The following VPS50 variants were observed in gnomAD, a reference collection of about 807,000 sequenced individuals.
VPS50 encodes the protein syndetin.
A neutral mutation model predicts 139.7 loss-of-function variants in VPS50; 70 were observed. That is an observed-to-expected ratio of 0.50 (90% CI 0.41 to 0.61). VPS50 has a LOEUF of 0.61. VPS50 is among the 20% of genes least tolerant of loss of function. The pLI is 0.00. For missense variants in VPS50, 921 were observed against 1,133.7 expected, an observed-to-expected ratio of 0.81 and a Z score of 2.69; for synonymous variants, 365 against 376.7, an observed-to-expected ratio of 0.97 and a Z score of 0.36.
At chr7:93,313,500 T>C (rs1487337761) in intron 20 of VPS50, among the ~76,000 whole-genome samples, 1 of 152,192 alleles carries the variant, frequency 6.6e-6, no homozygotes, top group Non-Finnish European at 1.5e-5. Flanking sequence ...CTTTATCATA[T>C]CATATTTAAT....
At chr7:93,258,099 T>C in intron 6 of VPS50, 60 bp from the exon 7 acceptor site, 1 of 711,576 alleles carries the variant, frequency 1.4e-6, no homozygotes. Flanking sequence ...AATTGTTCTG[T>C]GTGGATAGTA....
At position 93,353,726 on chromosome 7, in the gene VPS50, T is replaced by C. The variant is rs773196698; in HGVS notation, c.2550T>C (p.His850=). The change falls in exon 26 of 28, where the codon CAT becomes CAC. Residue 850 remains histidine, a synonymous_variant. Coordinates refer to ENST00000305866, the MANE Select transcript of VPS50 (RefSeq NM_017667.4). ...CTGTGTCTAATATACTTTGGGAACATTGTATACGATTGGCTAATCGAACTA... is the reference window on the plus strand; with the variant it reads ...CTGTGTCTAATATACTTTGGGAACACTGTATACGATTGGCTAATCGAACTA... ...PLPVSNILWE[H]CIRLANRTIV... The C allele has an allele frequency of 2.5e-6, 4 of 1,610,990 alleles. No homozygotes were observed. Among genetic ancestry groups the C allele is most frequent in the East Asian group, 2.2e-5 (1 of 44,772 alleles).
At chr7:93,322,131 A>G (rs1426280985) in intron 20 of VPS50, among the ~76,000 whole-genome samples, 1 of 152,198 alleles carries the variant, frequency 6.6e-6, no homozygotes, top group Non-Finnish European at 1.5e-5. Context: ...GTTTTGATGT[A>G]TATTTGTATT....
intron 2 of VPS50, among the ~76,000 whole-genome samples, chr7:93,248,793 AGC>A (rs1404422666): frequency 6.6e-6 from 1 of 152,158 alleles, no homozygotes; most frequent in Admixed American, 6.6e-5. Flanking sequence ...ATTAGGTAGA[AGC>A]AGAGCTTTAC....
intron 26 of VPS50, 36 bp from the exon 27 acceptor site, chr7:93,355,855 C>T: frequency 2.2e-6 from 3 of 1,336,822 alleles, no homozygotes; most frequent in Non-Finnish European, 3.1e-6. Context: ...TCTAATTATC[C>T]TATAATGTAT....
chr7:93,350,498 G>GT (rs895631620), intron 25 of VPS50, among the ~76,000 whole-genome samples: 12 of 151,792 alleles, frequency 7.9e-5, no homozygotes, highest in Non-Finnish European at 8.8e-5. Context: ...AAGAATTGTG[G>GT]TTTTTTTTCA....
At chr7:93,343,872 A>C (rs1022757987) in intron 23 of VPS50, among the ~76,000 whole-genome samples, 1 of 152,238 alleles carries the variant, frequency 6.6e-6, no homozygotes, top group African/African-American at 2.4e-5. Context: ...CCGCTGCAAA[A>C]TCATGCCAAA....
At chr7:93,353,596 C>T (rs940244985) in intron 25 of VPS50, 44 bp from the exon 26 acceptor site, 21 of 1,579,184 alleles carry the variant, frequency 1.3e-5, no homozygotes, top group Non-Finnish European at 1.7e-5. Flanking sequence ...AGCATTGTGG[C>T]ATTTTAATGA....
rs928549786 is a variant in VPS50, at chr7:93,282,191, C to T, written c.942+5886C>T. Reference sequence around the variant, plus strand: ...TGCACTCCAGCCTGGGGGACAGAGCCAGACTCCGTCTCAAAAAAAAAAAAA... The same window carrying T: ...TGCACTCCAGCCTGGGGGACAGAGCTAGACTCCGTCTCAAAAAAAAAAAAA... On this transcript the variant is annotated intron_variant, in intron 12 of 27. Coordinates refer to ENST00000305866, the MANE Select transcript of VPS50 (RefSeq NM_017667.4). Among the ~76,000 whole-genome samples the T allele has an allele frequency of 1.3e-5, 2 of 149,762 alleles. 1 individual carries two copies.
chr7:93,296,700 A>G, intron 14 of VPS50, 42 bp from the exon 15 acceptor site: 1 of 1,585,324 alleles, frequency 6.3e-7, no homozygotes, highest in South Asian at 1.1e-5. Context: ...CTTATTTTCT[A>G]TATTTTGGGT....
chr7:93,306,282 T>C (rs1039649739), intron 18 of VPS50, among the ~76,000 whole-genome samples: 1 of 151,944 alleles, frequency 6.6e-6, no homozygotes, highest in Non-Finnish European at 1.5e-5. Context: ...TGTAATTTCT[T>C]CACTGAATAT....
In VPS50 at chr7:93,253,916, A is replaced by G. The variant is rs760009812; in HGVS notation, c.282A>G (p.Lys94=). ...QELEAYRDKL[K]QQQAAVSKKV... is the part of the protein sequence containing the mutation. Reference sequence around the variant, plus strand: ...TAGAGGCGTATAGAGACAAATTGAAACAACAGCAAGCTGCAGTAAGTAAAA... The same window carrying G: ...TAGAGGCGTATAGAGACAAATTGAAGCAACAGCAAGCTGCAGTAAGTAAAA... The change falls in exon 4 of 28, where the codon AAA becomes AAG. Residue 94 remains lysine (K), a synonymous_variant. Coordinates refer to ENST00000305866, the MANE Select transcript of VPS50 (RefSeq NM_017667.4). The G allele has an allele frequency of 4.4e-6, 7 of 1,593,556 alleles. No homozygotes were observed. The South Asian group carries it at 7.9e-5, about 18-fold the overall frequency.
At chr7:93,331,308 A>G (rs1287610188) in intron 21 of VPS50, among the ~76,000 whole-genome samples, 1 of 151,720 alleles carries the variant, frequency 6.6e-6, no homozygotes, top group Non-Finnish European at 1.5e-5. Flanking sequence ...CATAATGGCC[A>G]AAACATTTTT....
At chr7:93,350,290 A>T (rs955422258) in intron 25 of VPS50, among the ~76,000 whole-genome samples, 1 of 152,154 alleles carries the variant, frequency 6.6e-6, no homozygotes, top group East Asian at 1.9e-4. Flanking sequence ...CTTTCATATT[A>T]TGTAATCTCA....
chr7:93,325,556 C>T (rs1797744760), intron 21 of VPS50, among the ~76,000 whole-genome samples: 2 of 151,962 alleles, frequency 1.3e-5, no homozygotes, highest in South Asian at 2.1e-4. Flanking sequence ...ACTCATCTGA[C>T]AAAGGGCTAA....
At chr7:93,355,302 G>C (rs1798674879) in intron 26 of VPS50, among the ~76,000 whole-genome samples, 1 of 152,020 alleles carries the variant, frequency 6.6e-6, no homozygotes. Context: ...TTGTATATTT[G>C]TCTTTATTAC....
At chr7:93,338,573 G>T (rs1439781212) in intron 22 of VPS50, among the ~76,000 whole-genome samples, 5 of 152,156 alleles carry the variant, frequency 3.3e-5, no homozygotes, top group African/African-American at 1.2e-4. Context: ...AATTGTAGGG[G>T]AAGGTGGGGA....
rs190350007 is a variant in VPS50 at position 93,319,855 on chromosome 7, T to C, written c.1856-3756T>C. Among the ~76,000 whole-genome samples the C allele has an allele frequency of 6.4e-3, 978 of 152,268 alleles. 8 individuals carry two copies. Among genetic ancestry groups the C allele is most frequent in the African/African-American group, 0.022 (929 of 41,584 alleles). On this transcript the variant is annotated intron_variant, in intron 20 of 27. Transcript: ENST00000305866. ...CTCAAATGTTTCCCACAGTATTGTCTTTTGCTGTACCTTTTAGGAGACTTA... is the reference window on the plus strand; with the variant it reads ...CTCAAATGTTTCCCACAGTATTGTCCTTTGCTGTACCTTTTAGGAGACTTA...
chr7:93,308,663 A>G (rs970469107), intron 18 of VPS50, among the ~76,000 whole-genome samples, 161 bp from the exon 19 acceptor site: 2 of 151,994 alleles, frequency 1.3e-5, no homozygotes, highest in African/African-American at 4.8e-5. Context: ...GATGAAGACA[A>G]TGGAAGAATA....
Sources: gnomAD v4.1 joint callset for allele counts (sites outside exome capture counted in the v4.1 genomes callset) on GRCh38, gnomAD v4.1.1 for gene constraint, MANE v1.5 for transcripts, NCBI Gene and HGNC (gene_info 2026-07-23, HGNC 2026-07-21) for gene names.